Variants in GABRR2 observed in about 807,000 individuals in gnomAD.
GABRR2 encodes the protein gamma-aminobutyric acid type A receptor subunit rho2, also known as gamma-aminobutyric acid receptor subunit rho-2.
A neutral mutation model predicts 47.0 loss-of-function variants in GABRR2; 36 were observed. The observed-to-expected ratio is 0.77, with a 90% CI of 0.59 to 1.01. The LOEUF is 1.01. GABRR2 is among the 50% of genes least tolerant of loss of function. The pLI is 0.00. For synonymous variants in GABRR2, 204 were observed against 227.5 expected (o/e 0.90, Z 0.93); for missense variants, 587 against 594.6 (o/e 0.99, Z 0.13).
intron 1 of GABRR2, among the ~76,000 whole-genome samples, chr6:89,305,240 A>G (rs558407416): frequency 1.3e-5 from 2 of 152,378 alleles, no homozygotes; most frequent in East Asian, 3.9e-4. Context: ...CTGTAATCCC[A>G]GCTACACAGG....
chr6:89,286,029 CAAA>C (rs1774330468), intron 2 of GABRR2, among the ~76,000 whole-genome samples: 1 of 29,632 alleles, frequency 3.4e-5, no homozygotes, highest in Non-Finnish European at 7.3e-5. Flanking sequence ...CCCCCAACAA[CAAA>C]CAAACTCTCA....
At chr6:89,281,903 G>C (rs1774258990) in intron 2 of GABRR2, among the ~76,000 whole-genome samples, 1 of 152,162 alleles carries the variant, frequency 6.6e-6, no homozygotes, top group African/African-American at 2.4e-5. Flanking sequence ...CGGAGCCTAT[G>C]TTGGTCTGCT....
At position 89,255,123 on chromosome 6, in the gene GABRR2, C is replaced by T. The variant is rs1452229099; in HGVS notation, c.*2547G>A. ...TATCATTCTTCGAGCAGCACTGTGGCCTGGGAGAGTCTCTATAGATAAAAG... is the reference window on the plus strand; with the variant it reads ...TATCATTCTTCGAGCAGCACTGTGGTCTGGGAGAGTCTCTATAGATAAAAG... On this transcript the variant is annotated 3_prime_UTR_variant, in exon 9 of 9. Transcript: ENST00000402938. Among the ~76,000 whole-genome samples the T allele has an allele frequency of 6.6e-6, 1 of 152,104 alleles. No homozygotes were observed. Among genetic ancestry groups the T allele is most frequent in the Non-Finnish European group, 1.5e-5 (1 of 68,022 alleles).
At chr6:89,295,574 G>A (rs1774539361) in intron 2 of GABRR2, among the ~76,000 whole-genome samples, 1 of 152,100 alleles carries the variant, frequency 6.6e-6, no homozygotes, top group South Asian at 2.1e-4. Context: ...CCATTCTGTA[G>A]GTTGCCTGTT....
intron 1 of GABRR2, among the ~76,000 whole-genome samples, chr6:89,314,835 G>A (rs1410544509): frequency 1.3e-5 from 2 of 152,162 alleles, no homozygotes; most frequent in Non-Finnish European, 2.9e-5. Flanking sequence ...GCAGGCATCC[G>A]AAGGAAGGCT....
At chr6:89,283,491 G>A (rs989031716) in intron 2 of GABRR2, among the ~76,000 whole-genome samples, 2 of 152,038 alleles carry the variant, frequency 1.3e-5, no homozygotes, top group African/African-American at 4.8e-5. Flanking sequence ...AGATTCCCAA[G>A]ATATAGTGCT....
At chr6:89,280,253 T>TATATATACAC (rs1242640059) in intron 2 of GABRR2, among the ~76,000 whole-genome samples, 236 of 124,626 alleles carry the variant, frequency 1.9e-3, no homozygotes, top group South Asian at 2.5e-3. Flanking sequence ...TATATATATA[T>TATATATACAC]ACATACATAT....
chr6:89,257,050 T>G lies in GABRR2; in HGVS notation c.*620A>C, dbSNP rs1255609368. On this transcript the variant is annotated 3_prime_UTR_variant, in exon 9 of 9. Coordinates refer to ENST00000402938, the MANE Select transcript of GABRR2 (RefSeq NM_002043.5). ...TAAGGAAAGAGACTATTTTCTCATT[T>G]CTACCGTACCTGGCACAGAGTGGGA... 6.6e-6 allele frequency among the ~76,000 whole-genome samples: 1 copy of G among 152,154 alleles called. No homozygotes were observed. Among genetic ancestry groups the G allele is most frequent in the Non-Finnish European group, 1.5e-5 (1 of 68,030 alleles).
At chr6:89,289,575 T>C (rs78206561) in intron 2 of GABRR2, among the ~76,000 whole-genome samples, 4,251 of 152,186 alleles carry the variant, frequency 0.028, 180 homozygotes, top group African/African-American at 0.093. Context: ...TCCAAGATCA[T>C]GTGGAGAACA....
At chr6:89,304,904 A>G (rs955600742) in intron 1 of GABRR2, among the ~76,000 whole-genome samples, 5 of 152,270 alleles carry the variant, frequency 3.3e-5, no homozygotes, top group Admixed American at 6.5e-5. Context: ...AGCTAAAAAC[A>G]GAACTACCAT....
At chr6:89,302,608 G>C in intron 1 of GABRR2, 4 of 1,204,608 alleles carry the variant, frequency 3.3e-6, no homozygotes, top group African/African-American at 1.5e-5. Context: ...CAGCATTACC[G>C]GGCCCTGACC....
chr6:89,293,631 T>C (rs1774506549), intron 2 of GABRR2, among the ~76,000 whole-genome samples: 1 of 152,020 alleles, frequency 6.6e-6, no homozygotes, highest in Non-Finnish European at 1.5e-5. Context: ...ACACAAAATA[T>C]AAGAAATTAG....
At chr6:89,268,134 A>C (rs1485502738) in intron 4 of GABRR2, 38 bp from the exon 5 acceptor site, 1 of 1,489,460 alleles carries the variant, frequency 6.7e-7, no homozygotes. Flanking sequence ...TTGTGCGGTG[A>C]ATTATTGGCT....
intron 1 of GABRR2, among the ~76,000 whole-genome samples, chr6:89,300,116 T>C (rs1335622974): frequency 6.6e-6 from 1 of 152,214 alleles, no homozygotes; most frequent in Non-Finnish European, 1.5e-5. Flanking sequence ...GACAACATTC[T>C]ACCTTGGTAA....
chr6:89,266,577 T>C (rs561875202), intron 6 of GABRR2, among the ~76,000 whole-genome samples: 2 of 152,322 alleles, frequency 1.3e-5, no homozygotes, highest in South Asian at 2.1e-4. Flanking sequence ...TAATGAGACA[T>C]TTAGAGGCTT....
chr6:89,313,145 A>G (rs1415998634), intron 1 of GABRR2, among the ~76,000 whole-genome samples: 2 of 152,224 alleles, frequency 1.3e-5, no homozygotes, highest in Middle Eastern at 3.2e-3. Context: ...AGCCACTAGC[A>G]GGCCGTGTGA....
At chr6:89,292,346 T>TATA (rs1774457039) in intron 2 of GABRR2, among the ~76,000 whole-genome samples, 2 of 13,848 alleles carry the variant, frequency 1.4e-4, no homozygotes, top group South Asian at 2.5e-3. Flanking sequence ...AAAAAAAATT[T>TATA]TATATATATA....
chr6:89,297,091 G>T lies in GABRR2; in HGVS notation c.220+2668C>A, dbSNP rs540200305. ...CACACCCACAAAAGACCACACTGAG[G>T]CACGGCCACGTTATGACTTTTGAGG... On this transcript the variant is annotated intron_variant, in intron 2 of 8. Transcript: ENST00000402938. 5.3e-5 allele frequency among the ~76,000 whole-genome samples: 8 copies of T among 152,226 alleles called. No homozygotes were observed. The South Asian group carries it at 1.7e-3, about 32-fold the overall frequency.
intron 1 of GABRR2, among the ~76,000 whole-genome samples, chr6:89,303,885 G>C (rs992471489): frequency 1.3e-5 from 2 of 152,208 alleles, no homozygotes; most frequent in African/African-American, 4.8e-5. Context: ...ATGGTGTTAT[G>C]AGAACCGGCT....
Sources: allele counts gnomAD v4.1 joint callset (sites outside exome capture counted in the v4.1 genomes callset), GRCh38; gene constraint gnomAD v4.1.1; transcripts MANE v1.5; gene names NCBI Gene and HGNC (gene_info 2026-07-23, HGNC 2026-07-21).